The following UTP20 variants were observed in gnomAD, a reference collection of about 807,000 sequenced individuals.
UTP20 encodes the protein UTP20 small subunit processome component.
A neutral mutation model predicts 329.5 loss-of-function variants in UTP20; 164 were observed. That is an observed-to-expected ratio of 0.50 (90% CI 0.44 to 0.57). UTP20 has a LOEUF of 0.57. Ranked by LOEUF, UTP20 falls within the 20% of genes least tolerant of loss-of-function variation. The pLI is 0.00. For synonymous variants in UTP20, 1,151 were observed against 1,159.3 expected (o/e 0.99, Z 0.14); for missense variants, 3,055 against 3,284.2 (o/e 0.93, Z 1.71).
chr12:101,359,445 T>C (rs969868147), intron 43 of UTP20, among the ~76,000 whole-genome samples: 3 of 151,558 alleles, frequency 2.0e-5, no homozygotes, highest in Admixed American at 6.6e-5. Context: ...TGTTTATTTT[T>C]CTCCCACTGG....
chr12:101,302,673 G>T, intron 15 of UTP20, 120 bp downstream of exon 15: 1 of 602,598 alleles, frequency 1.7e-6, no homozygotes, highest in Non-Finnish European at 2.7e-6. Flanking sequence ...TTGTATTCAC[G>T]TAGTGAAATT....
chr12:101,318,863 G>A (rs1873060668), intron 22 of UTP20, among the ~76,000 whole-genome samples: 1 of 150,364 alleles, frequency 6.7e-6, no homozygotes, highest in African/African-American at 2.4e-5. Flanking sequence ...CCCAGGGAAG[G>A]CTCTCTGATG....
In UTP20 at chr12:101,286,442, A is replaced by G. The variant is rs751739229; in HGVS notation, c.448A>G (p.Thr150Ala). The G allele has an allele frequency of 1.2e-6, 2 of 1,613,824 alleles. No homozygotes were observed. The highest frequency in any genetic ancestry group is 1.7e-6 in the Non-Finnish European group (2 of 1,179,914). Residue 150 changes from threonine to alanine, a missense_variant, in exon 5 of 62, where the codon ACC becomes GCC. Thr to Ala is a moderately conservative substitution (Grantham distance 58). Transcript: ENST00000261637. Reference sequence around the variant, plus strand: ...CACAGAGTTGTTAGAATGGGCTTTCACCTCGTTATCATATCTTTATAAGTA... The same window carrying G: ...CACAGAGTTGTTAGAATGGGCTTTCGCCTCGTTATCATATCTTTATAAGTA... Reference protein sequence around the residue: ...QDTELLEWAFTSLSYLYKYLW... With the variant: ...QDTELLEWAFASLSYLYKYLW...
chr12:101,317,395 G>A, intron 21 of UTP20, 83 bp from the exon 22 acceptor site: 2 of 1,435,302 alleles, frequency 1.4e-6, no homozygotes, highest in Non-Finnish European at 1.9e-6. Flanking sequence ...GTGAACTGTG[G>A]ACATCTCTCA....
chr12:101,315,479 G>A (rs1253555708), intron 21 of UTP20, among the ~76,000 whole-genome samples: 1 of 150,178 alleles, frequency 6.7e-6, no homozygotes, highest in Admixed American at 6.6e-5. Flanking sequence ...GCGAGATTCC[G>A]TCTAAAAAAA....
chr12:101,351,283 T>C (rs1038560222), intron 38 of UTP20, among the ~76,000 whole-genome samples: 2 of 152,016 alleles, frequency 1.3e-5, no homozygotes, highest in African/African-American at 4.8e-5. Flanking sequence ...CACACCACCA[T>C]GCCCAGCTAA....
intron 28 of UTP20, among the ~76,000 whole-genome samples, chr12:101,334,152 G>A (rs576988343): frequency 6.6e-5 from 10 of 152,306 alleles, no homozygotes; most frequent in Non-Finnish European, 1.2e-4. Context: ...GTTTCTAGGT[G>A]TTTGAGGTCC....
chr12:101,385,135 A>G (rs963046077), intron 60 of UTP20, among the ~76,000 whole-genome samples: 2 of 151,784 alleles, frequency 1.3e-5, no homozygotes, highest in African/African-American at 4.8e-5. Context: ...GGCAGAGCTA[A>G]GCCTCTGTGA....
rs556321414 is a variant in UTP20 at position 101,320,875 on chromosome 12, G to A, written c.2853G>A (p.Met951Ile). 1.9e-6 allele frequency: 3 copies of A among 1,611,464 alleles called. No individual in the cohort carries two copies. The highest frequency in any genetic ancestry group is 2.2e-5 in the South Asian group (2 of 90,310). ...YLQLLLHQDQ[M>I]VQKITLDCIM... ...AGTTGTTGCTACACCAAGATCAAAT[G>A]GTGCAAAAAATAACCTTGGATTGCA... Residue 951 changes from methionine (M) to isoleucine (I), a missense_variant, in exon 24 of 62, where the codon ATG becomes ATA. Met to Ile is a conservative substitution (Grantham distance 10). Around this residue, in one of 3 missense-constraint regions of UTP20, gnomAD observed 2,445 missense variants for 2,575.5 expected, o/e 0.95. Coordinates refer to ENST00000261637, the MANE Select transcript of UTP20 (RefSeq NM_014503.3).
At chr12:101,293,108 G>T in intron 10 of UTP20, 60 bp from the exon 11 acceptor site, 1 of 1,523,780 alleles carries the variant, frequency 6.6e-7, no homozygotes, top group East Asian at 2.3e-5. Context: ...GCTGCTTGCT[G>T]GGGGGATGGG....
chr12:101,345,652 T>C lies in UTP20; in HGVS notation c.4704T>C (p.His1568=). ...FKDLVQLTHY[H]DPEMDFFENM... Reference sequence around the variant, plus strand: ...ACTTGGTACAACTTACTCATTACCATGACCCAGAAATGGACTTCTTTGAGA... The same window carrying C: ...ACTTGGTACAACTTACTCATTACCACGACCCAGAAATGGACTTCTTTGAGA... Residue 1568 remains histidine (H), a synonymous_variant, in exon 37 of 62, where the codon CAT becomes CAC. Transcript: ENST00000261637. 1 of 1,612,286 alleles carries C rather than the reference T, an allele frequency of 6.2e-7. No individual in the cohort carries two copies. Among genetic ancestry groups the C allele is most frequent in the Non-Finnish European group, 8.5e-7 (1 of 1,179,640 alleles).
chr12:101,298,767 A>T (rs1410304271), intron 12 of UTP20, among the ~76,000 whole-genome samples: 1 of 152,146 alleles, frequency 6.6e-6, no homozygotes, highest in Non-Finnish European at 1.5e-5. Flanking sequence ...GGAATTGATA[A>T]TTAAATTAAC....
chr12:101,340,390 C>T, intron 31 of UTP20, 133 bp from the exon 32 acceptor site: 1 of 576,418 alleles, frequency 1.7e-6, no homozygotes, highest in Non-Finnish European at 3.0e-6. Flanking sequence ...TACATGCACA[C>T]ATACTTAAAA....
intron 24 of UTP20, 143 bp from the exon 25 acceptor site, chr12:101,321,361 G>T: frequency 8.4e-7 from 1 of 1,188,776 alleles, no homozygotes; most frequent in Non-Finnish European, 1.1e-6. Flanking sequence ...AGATTTTTTT[G>T]AGGATTTTCC....
chr12:101,291,031 T>C lies in UTP20; in HGVS notation c.891+143T>C. On this transcript the variant is annotated intron_variant, in intron 8 of 61. Coordinates refer to ENST00000261637, the MANE Select transcript of UTP20 (RefSeq NM_014503.3). ...TTCTGTACACATATTAAAATTTTCC[T>C]TCCCTCTGCCCCCCTGTGCTATTTT... is the stretch of plus-strand genomic sequence containing the variant. 3.7e-6 allele frequency: 3 copies of C among 800,048 alleles called. No individual in the cohort carries two copies. The South Asian group carries it at 9.2e-5, about 25-fold the overall frequency. 49.6% of individuals were successfully genotyped at this position (800,048 alleles called of 1,614,324 possible).
At chr12:101,294,541 CTTTTTT>C (rs1211436109) in intron 11 of UTP20, among the ~76,000 whole-genome samples, 1 of 129,298 alleles carries the variant, frequency 7.7e-6, no homozygotes, top group Admixed American at 7.8e-5. Flanking sequence ...TCTCGTTTTT[CTTTTTT>C]TTTTTTTTTT....
rs1565787276 is a variant in UTP20 at position 101,298,395 on chromosome 12, C to G, written c.1431-1287C>G. Reference sequence around the variant, plus strand: ...GGGAAGGATCCAGCCTTGCAAAGATCTCAGTGAGAGACTCTCCAGACAGAA... The same window carrying G: ...GGGAAGGATCCAGCCTTGCAAAGATGTCAGTGAGAGACTCTCCAGACAGAA... On this transcript the variant is annotated intron_variant, in intron 12 of 61. Coordinates refer to ENST00000261637, the MANE Select transcript of UTP20 (RefSeq NM_014503.3). 2.0e-5 allele frequency among the ~76,000 whole-genome samples: 3 copies of G among 152,120 alleles called. No homozygotes were observed. The South Asian group carries it at 6.2e-4, about 31-fold the overall frequency.
intron 31 of UTP20, 85 bp downstream of exon 31, chr12:101,339,042 G>A: frequency 7.2e-7 from 1 of 1,383,926 alleles, no homozygotes; most frequent in South Asian, 1.5e-5. Flanking sequence ...GCCAGGCGTG[G>A]TGGCTCACAC....
At chr12:101,294,869 C>T (rs917308911) in intron 11 of UTP20, among the ~76,000 whole-genome samples, 3 of 152,128 alleles carry the variant, frequency 2.0e-5, no homozygotes, top group African/African-American at 7.2e-5. Flanking sequence ...TTTATAATTG[C>T]CTCGTTCTTT....
Sources: allele counts gnomAD v4.1 joint callset (sites outside exome capture counted in the v4.1 genomes callset), GRCh38; gene constraint gnomAD v4.1.1; regional missense constraint gnomAD v4.1.1; transcripts MANE v1.5; gene names NCBI Gene and HGNC (gene_info 2026-07-23, HGNC 2026-07-21).